Variants in PCDHGA2 observed in about 807,000 individuals in gnomAD.
PCDHGA2 encodes the protein protocadherin gamma subfamily A, 2, also known as protocadherin gamma-A2.
Under a neutral mutation model 59.2 loss-of-function variants are expected in PCDHGA2, and 40 were observed. The ratio of observed to expected loss-of-function variants is 0.68; its 90% CI spans 0.52 to 0.88. The LOEUF (loss-of-function observed/expected upper bound fraction) is 0.88. PCDHGA2 is among the 40% of genes least tolerant of loss of function. The probability of loss-of-function intolerance (pLI) is 0.00; values close to 1 mark genes in which losing one functional copy is unlikely to be tolerated. For synonymous variants in PCDHGA2, 560 were observed against 526.0 expected (o/e 1.06, Z -0.89); for missense variants, 1,226 against 1,204.0 (o/e 1.02, Z -0.27).
At chr5:141,430,911 A>T (rs544678317) in intron 1 of PCDHGA2, 4 of 1,607,840 alleles carry the variant, frequency 2.5e-6, no homozygotes, top group Non-Finnish European at 3.4e-6. Context: ...ATCTCCAGGG[A>T]CCTGGGGCTG....
intron 1 of PCDHGA2, among the ~76,000 whole-genome samples, chr5:141,454,795 A>G (rs79012896): frequency 9.1e-6 from 1 of 110,272 alleles, no homozygotes; most frequent in South Asian, 3.0e-4. Flanking sequence ...CCATGGTTCT[A>G]ATTTTTTTTT....
chr5:141,422,052 CG>C (rs1282698929), intron 1 of PCDHGA2: 1 of 1,611,298 alleles, frequency 6.2e-7, no homozygotes, highest in South Asian at 1.1e-5. Context: ...AGGGAATCAA[CG>C]GGGAAGTAAT....
At chr5:141,383,279 A>G in intron 1 of PCDHGA2, 7 of 1,613,948 alleles carry the variant, frequency 4.3e-6, no homozygotes, top group Non-Finnish European at 5.9e-6. Context: ...ATAGATATTA[A>G]TGACAACGTT....
In PCDHGA2 at chr5:141,409,398, A is replaced by G. The variant is rs186373896; in HGVS notation, c.2424+68003A>G. On this transcript the variant is annotated intron_variant, in intron 1 of 3. Transcript: ENST00000394576. Reference sequence around the variant, plus strand: ...CCATTCAAGATTTATTCTTCTTCCAATAACTACTACAAACTGGTGACAGAT... The same window carrying G: ...CCATTCAAGATTTATTCTTCTTCCAGTAACTACTACAAACTGGTGACAGAT... 9.6e-5 allele frequency: 155 copies of G among 1,614,050 alleles called. No individual in the cohort carries two copies. In the African/African-American group the frequency reaches 1.5e-3, roughly 16 times the overall value.
intron 1 of PCDHGA2, among the ~76,000 whole-genome samples, chr5:141,443,696 T>C (rs1293017505): frequency 6.6e-6 from 1 of 152,308 alleles, no homozygotes; most frequent in Admixed American, 6.5e-5. Context: ...TCAAAAATTA[T>C]AGAATAACAT....
At chr5:141,478,526 G>A (rs1402123535) in intron 1 of PCDHGA2, 1 of 1,609,906 alleles carries the variant, frequency 6.2e-7, no homozygotes, top group Admixed American at 1.7e-5. Context: ...GTTGGGTGCA[G>A]AGAGCGCCCC....
chr5:141,344,322 G>T lies in PCDHGA2; in HGVS notation c.2424+2927G>T, dbSNP rs767083596. 6.8e-6 allele frequency: 11 copies of T among 1,613,940 alleles called. No homozygotes were observed. In the South Asian group the frequency reaches 7.7e-5, roughly 11 times the overall value. ...GAGGATAGACCGGGAGGAGCTCTGC[G>T]CTCAGATCCCGCTGTGTCTGGTAAA... On this transcript the variant is annotated intron_variant, in intron 1 of 3. Coordinates refer to ENST00000394576, the MANE Select transcript of PCDHGA2 (RefSeq NM_018915.4).
chr5:141,502,179 A>C (rs1403845758), intron 2 of PCDHGA2, among the ~76,000 whole-genome samples: 3 of 152,218 alleles, frequency 2.0e-5, no homozygotes, highest in African/African-American at 7.2e-5. Context: ...GGAATTTAAC[A>C]TTAATACAAT....
At chr5:141,383,729 TGA>T (rs1406908014) in intron 1 of PCDHGA2, 3 of 1,613,866 alleles carry the variant, frequency 1.9e-6, no homozygotes, top group Non-Finnish European at 2.5e-6. Flanking sequence ...AATGGGGAAG[TGA>T]CATATTCTTT....
chr5:141,490,942 C>A lies in PCDHGA2; in HGVS notation c.2425-3865C>A, dbSNP rs371286343. On this transcript the variant is annotated intron_variant, in intron 1 of 3. Coordinates refer to ENST00000394576, the MANE Select transcript of PCDHGA2 (RefSeq NM_018915.4). This position sits in a 1 kb window ranked among gnomAD's most constrained non-coding sequence, Gnocchi z 5.4. ...TAATGCCCCAGCTGTGCTGCACCCA[C>A]GGCCAGACTGGGAACACTCAGCCCC... The A allele has an allele frequency of 3.0e-5, 49 of 1,613,526 alleles. No individual in the cohort carries two copies. The highest frequency in any genetic ancestry group is 4.1e-5 in the Non-Finnish European group (48 of 1,179,768).
rs2099661624 is a variant in PCDHGA2, at chr5:141,487,712, G to A, written c.2425-7095G>A. The stretch of plus-strand genomic sequence containing the variant: ...AGAGAGTACTGGCCTCTCAGTAAGT[G>A]CCCATAGTGATGTCACCATTTTTGT... On this transcript the variant is annotated intron_variant, in intron 1 of 3. Coordinates refer to ENST00000394576, the MANE Select transcript of PCDHGA2 (RefSeq NM_018915.4). The surrounding 1 kb of genome is among the most constrained non-coding windows in gnomAD (Gnocchi z 5.0). The A allele has an allele frequency of 5.0e-6, 8 of 1,585,892 alleles. No individual in the cohort carries two copies. The highest frequency in any genetic ancestry group is 1.1e-5 in the South Asian group (1 of 87,950).
chr5:141,451,358 T>C (rs537863729), intron 1 of PCDHGA2, among the ~76,000 whole-genome samples: 1 of 152,326 alleles, frequency 6.6e-6, no homozygotes, highest in African/African-American at 2.4e-5. Flanking sequence ...CAACAGAGGA[T>C]GGATCCGCTT....
intron 1 of PCDHGA2, chr5:141,387,784 T>A (rs2091093181): frequency 6.8e-7 from 1 of 1,472,514 alleles, no homozygotes; most frequent in East Asian, 2.4e-5. Context: ...GAACTGGAAC[T>A]GCAACTAAAG....
At chr5:141,403,913 G>A (rs567115998) in intron 1 of PCDHGA2, 5 of 1,613,844 alleles carry the variant, frequency 3.1e-6, no homozygotes, top group Non-Finnish European at 8.5e-7. Context: ...GGAAATACAA[G>A]CTGAAGATGG....
At chr5:141,345,691 T>C in intron 1 of PCDHGA2, 1 of 1,614,232 alleles carries the variant, frequency 6.2e-7, no homozygotes, top group East Asian at 2.2e-5. Context: ...CTGTTCGTGC[T>C]GGACCAGAAC....
intron 1 of PCDHGA2, among the ~76,000 whole-genome samples, chr5:141,381,823 C>CA (rs1777504204): frequency 2.0e-5 from 2 of 101,610 alleles, no homozygotes; most frequent in African/African-American, 8.6e-5. Flanking sequence ...TTTCTTTCTT[C>CA]TTCTTTTTTT....
Position 141,341,403 on chromosome 5 carries a change from A to C in PCDHGA2, c.2424+8A>C. 1 of 1,614,170 alleles carries C rather than the reference A, an allele frequency of 6.2e-7. No individual in the cohort carries two copies. Among genetic ancestry groups the C allele is most frequent in the South Asian group, 1.1e-5 (1 of 91,082 alleles). ...GAAGAAACGTTTTCTCAGGTAATCT[A>C]TCTTTTCACAACATACGTACTAGCT... is the stretch of plus-strand genomic sequence containing the variant. On this transcript the variant is annotated splice_region_variant and intron_variant, in intron 1 of 3. Coordinates refer to ENST00000394576, the MANE Select transcript of PCDHGA2 (RefSeq NM_018915.4).
chr5:141,394,018 A>T (rs2092900242), intron 1 of PCDHGA2: 1 of 1,613,496 alleles, frequency 6.2e-7, no homozygotes. Flanking sequence ...GGTAATTATT[A>T]TAGATTAGTG....
chr5:141,339,863 T>G lies in PCDHGA2; in HGVS notation c.892T>G (p.Ser298Ala). 1 of 1,614,164 alleles carries G rather than the reference T, an allele frequency of 6.2e-7. No homozygotes were observed. Among genetic ancestry groups the G allele is most frequent in the Non-Finnish European group, 8.5e-7 (1 of 1,180,006 alleles). The change falls in exon 1 of 4, where the codon TCT becomes GCT. Residue 298 changes from serine to alanine, a missense_variant. Transcript: ENST00000394576. ...AGAGGTATTTGAGCTTAAGTCAACA[T>G]CTGGAGAACTGACAATCATAAAAGA... ...TSEVFELKST[S>A]GELTIIKDLD...
Sources: gnomAD v4.1 joint callset for allele counts (sites outside exome capture counted in the v4.1 genomes callset) on GRCh38, gnomAD v4.1.1 for gene constraint, Gnocchi (gnomAD v3.1) non-coding constraint, MANE v1.5 for transcripts, NCBI Gene and HGNC (gene_info 2026-07-23, HGNC 2026-07-21) for gene names.